The following NYAP2 variants were observed in gnomAD, a reference collection of about 807,000 sequenced individuals.
NYAP2 encodes neuronal tyrosine-phosphorylated phosphoinositide-3-kinase adapter 2.
A neutral mutation model predicts 50.4 loss-of-function variants in NYAP2; 23 were observed. The observed-to-expected ratio is 0.46, with a 90% CI of 0.33 to 0.65. The LOEUF (loss-of-function observed/expected upper bound fraction) is 0.65, where lower values mean the gene tolerates loss of function less well. Among genes scored for constraint, NYAP2 ranks in the 30% least tolerant of loss-of-function variants. NYAP2 has a pLI of 0.02. For synonymous variants in NYAP2, 394 were observed against 365.2 expected, an observed-to-expected ratio of 1.08 and a Z score of -0.90; for missense variants, 885 against 861.0, an observed-to-expected ratio of 1.03 and a Z score of -0.35.
chr2:225,526,321 G>A (rs1267063651), intron 4 of NYAP2, among the ~76,000 whole-genome samples: 3 of 152,316 alleles, frequency 2.0e-5, no homozygotes, highest in Non-Finnish European at 4.4e-5. Context: ...ACCTGGCTTA[G>A]TGTCTGACAA....
chr2:225,450,341 G>T (rs1311060764), intron 3 of NYAP2, among the ~76,000 whole-genome samples: 9 of 152,190 alleles, frequency 5.9e-5, no homozygotes, highest in Non-Finnish European at 7.3e-5. Context: ...AAGCACAAGA[G>T]ATGTGTTTGT....
At chr2:225,513,307 T>C (rs1028805916) in intron 3 of NYAP2, 64 bp from the exon 4 acceptor site, 2 of 1,445,696 alleles carry the variant, frequency 1.4e-6, no homozygotes, top group Admixed American at 3.7e-5. Flanking sequence ...TATTCTCACA[T>C]GTATGATCTT....
intron 4 of NYAP2, among the ~76,000 whole-genome samples, chr2:225,515,435 G>A (rs1042114480): frequency 1.3e-5 from 2 of 152,000 alleles, no homozygotes; most frequent in Non-Finnish European, 2.9e-5. Context: ...TGATTGTTTT[G>A]CAGCTACAAT....
chr2:225,607,058 C>T (rs1459151144), intron 5 of NYAP2, among the ~76,000 whole-genome samples: 1 of 152,126 alleles, frequency 6.6e-6, no homozygotes, highest in Admixed American at 6.6e-5. Flanking sequence ...GGACACTTCT[C>T]ATCAAACATC....
chr2:225,629,454 G>A lies in NYAP2; in HGVS notation c.1828+2328G>A, dbSNP rs73090864. Among the ~76,000 whole-genome samples, 1,178 of 152,258 alleles carry A rather than the reference G, an allele frequency of 7.7e-3. 26 individuals are homozygous for A. Among genetic ancestry groups the A allele is most frequent in the African/African-American group, 0.027 (1,134 of 41,544 alleles). ...GGGCATTCCTTAACCCAGTCAAGTT[G>A]ACACATAAAATCACGTGTGTTACAT... is the stretch of plus-strand genomic sequence containing the variant. On this transcript the variant is annotated intron_variant, in intron 6 of 6. Transcript: ENST00000636099.
intron 3 of NYAP2, among the ~76,000 whole-genome samples, chr2:225,475,283 C>G (rs1230001246): frequency 1.3e-5 from 2 of 152,096 alleles, no homozygotes; most frequent in East Asian, 3.9e-4. Context: ...CTAAACCATA[C>G]CAAACCAAAC....
intron 4 of NYAP2, among the ~76,000 whole-genome samples, chr2:225,541,467 A>C (rs182482961): frequency 6.6e-6 from 1 of 152,286 alleles, no homozygotes; most frequent in East Asian, 1.9e-4. Context: ...TGATTTTTGT[A>C]TATGCCAAGA....
chr2:225,632,213 T>C (rs1354612153), intron 6 of NYAP2, among the ~76,000 whole-genome samples: 1 of 152,202 alleles, frequency 6.6e-6, no homozygotes, highest in Non-Finnish European at 1.5e-5. Flanking sequence ...GACTTTCTGT[T>C]TTGGAACAGA....
chr2:225,701,644 A>C, the NYAP2 span: 2 of 151,330 alleles, frequency 1.3e-5, no homozygotes, highest in Non-Finnish European at 3.0e-5. Context: ...TTGGCGCCAA[A>C]TGTGATGGAT....
intron 4 of NYAP2, among the ~76,000 whole-genome samples, chr2:225,537,770 C>T (rs113519217): frequency 6.6e-6 from 1 of 152,284 alleles, no homozygotes; most frequent in African/African-American, 2.4e-5. Flanking sequence ...TCAGTGTTAA[C>T]TCAAAAGTCC....
chr2:225,521,776 A>C (rs1691063779), intron 4 of NYAP2, among the ~76,000 whole-genome samples: 1 of 152,062 alleles, frequency 6.6e-6, no homozygotes, highest in African/African-American at 2.4e-5. Context: ...TATCAGGATG[A>C]TGCTAACCTC....
At chr2:225,679,290 T>C in the NYAP2 span, among the ~76,000 whole-genome samples, 5 of 152,124 alleles carry the variant, frequency 3.3e-5, no homozygotes, top group Admixed American at 6.6e-5. Flanking sequence ...AACTAACCAC[T>C]GAGATGTTTT....
downstream of NYAP2, among the ~76,000 whole-genome samples, chr2:225,655,080 G>A (rs77281190): frequency 0.025 from 3,811 of 152,266 alleles, 179 homozygotes; most frequent in African/African-American, 0.087. Context: ...GGTGGTATAT[G>A]AACAAAGGGG....
At chr2:225,500,904 G>T (rs939057542) in intron 3 of NYAP2, among the ~76,000 whole-genome samples, 1 of 152,130 alleles carries the variant, frequency 6.6e-6, no homozygotes, top group Non-Finnish European at 1.5e-5. Context: ...GGAGAATAGA[G>T]ATTTTGCAAA....
chr2:225,430,384 T>G (rs1283818178), intron 3 of NYAP2, among the ~76,000 whole-genome samples: 1 of 152,188 alleles, frequency 6.6e-6, no homozygotes, highest in Non-Finnish European at 1.5e-5. Flanking sequence ...CCTTCTTCAA[T>G]TTATGAGGGG....
intron 4 of NYAP2, among the ~76,000 whole-genome samples, chr2:225,564,851 A>G (rs781341382): frequency 6.6e-6 from 1 of 152,046 alleles, no homozygotes. Context: ...GGATATATCT[A>G]TGGCATGGTG....
At chr2:225,460,815 C>T (rs960846694) in intron 3 of NYAP2, among the ~76,000 whole-genome samples, 2 of 151,616 alleles carry the variant, frequency 1.3e-5, no homozygotes, top group African/African-American at 4.8e-5. Flanking sequence ...TTAGGTTATC[C>T]ATTACGTGGA....
chr2:225,463,270 G>A (rs544712108), intron 3 of NYAP2, among the ~76,000 whole-genome samples: 1 of 152,364 alleles, frequency 6.6e-6, no homozygotes, highest in South Asian at 2.1e-4. Context: ...ATAAAGACAA[G>A]CCCAGTTTTA....
intron 5 of NYAP2, among the ~76,000 whole-genome samples, chr2:225,609,956 C>T (rs1692850636): frequency 6.6e-6 from 1 of 152,010 alleles, no homozygotes; most frequent in African/African-American, 2.4e-5. Flanking sequence ...TATTGTTCAC[C>T]AAGCAGGTGT....
Sources: allele counts gnomAD v4.1 joint callset (sites outside exome capture counted in the v4.1 genomes callset), GRCh38; gene constraint gnomAD v4.1.1; transcripts MANE v1.5; gene names NCBI Gene and HGNC (gene_info 2026-07-23, HGNC 2026-07-21).